The following EPB41L2 variants were observed in gnomAD, a reference collection of about 807,000 sequenced individuals.
EPB41L2 encodes erythrocyte membrane protein band 4.1 like 2.
A neutral mutation model predicts 113.0 loss-of-function variants in EPB41L2; 43 were observed. The ratio of observed to expected loss-of-function variants is 0.38; its 90% CI spans 0.30 to 0.49. EPB41L2 has a LOEUF of 0.49. EPB41L2 is among the 20% of genes least tolerant of loss of function. The pLI, the probability that EPB41L2 is intolerant of heterozygous loss-of-function variation, is 0.95. For synonymous variants in EPB41L2, 442 were observed against 436.7 expected, an observed-to-expected ratio of 1.01 and a Z score of -0.15; for missense variants, 1,147 against 1,223.4, an observed-to-expected ratio of 0.94 and a Z score of 0.93.
intron 18 of EPB41L2, among the ~76,000 whole-genome samples, chr6:130,863,259 G>A (rs1782710472): frequency 6.6e-6 from 1 of 152,188 alleles, no homozygotes; most frequent in African/African-American, 2.4e-5. Flanking sequence ...GTTCCTAAAA[G>A]TAGGCATAGG....
chr6:130,890,262 A>G (rs773290209), intron 11 of EPB41L2, 32 bp downstream of exon 11: 1 of 1,584,052 alleles, frequency 6.3e-7, no homozygotes, highest in Admixed American at 1.8e-5. Flanking sequence ...AGAAAGATGA[A>G]TGAAAATCAA....
intron 19 of EPB41L2, among the ~76,000 whole-genome samples, chr6:130,842,154 A>C (rs1293117253): frequency 5.9e-5 from 9 of 152,208 alleles, no homozygotes; most frequent in Admixed American, 5.9e-4. Context: ...AGTTCCTACC[A>C]TTTAGATTTA....
At chr6:130,976,613 T>G (rs963367119) in intron 1 of EPB41L2, among the ~76,000 whole-genome samples, 6 of 152,276 alleles carry the variant, frequency 3.9e-5, no homozygotes, top group African/African-American at 1.4e-4. Context: ...AAAAGAGTGG[T>G]GGCTGAGAAT....
At chr6:130,999,869 T>C (rs188987160) in intron 1 of EPB41L2, among the ~76,000 whole-genome samples, 183 of 152,294 alleles carry the variant, frequency 1.2e-3, no homozygotes, top group Admixed American at 2.7e-3. Flanking sequence ...CTTTTTAGAA[T>C]ATCCTGAGCA....
chr6:131,020,313 A>G (rs1190137620), intron 1 of EPB41L2, among the ~76,000 whole-genome samples: 5 of 151,626 alleles, frequency 3.3e-5, no homozygotes, highest in African/African-American at 1.2e-4. Flanking sequence ...TGTTTTTTCT[A>G]TTGTCTTAAA....
At chr6:130,910,111 C>T (rs938512906) in intron 4 of EPB41L2, among the ~76,000 whole-genome samples, 3 of 152,186 alleles carry the variant, frequency 2.0e-5, no homozygotes, top group African/African-American at 7.2e-5. Context: ...AGGTATCACA[C>T]TACCTGACTT....
At chr6:130,876,337 G>A (rs902242899) in intron 14 of EPB41L2, among the ~76,000 whole-genome samples, 9 of 152,116 alleles carry the variant, frequency 5.9e-5, no homozygotes, top group Admixed American at 3.3e-4. Context: ...TTAACAACAC[G>A]ACATGCATAA....
chr6:131,015,155 C>G (rs1423491261), intron 1 of EPB41L2: 1 of 152,116 alleles, frequency 6.6e-6, no homozygotes, highest in Admixed American at 6.6e-5. Flanking sequence ...AACAGAATAT[C>G]AAAGAGATTT....
At chr6:131,047,901 G>T (rs1299057071) in intron 1 of EPB41L2, among the ~76,000 whole-genome samples, 1 of 151,832 alleles carries the variant, frequency 6.6e-6, no homozygotes, top group African/African-American at 2.4e-5. Flanking sequence ...CAGCACTTGG[G>T]AGGCCAAGGC....
At chr6:130,841,086 G>A (rs1775323665) in intron 19 of EPB41L2, among the ~76,000 whole-genome samples, 1 of 152,126 alleles carries the variant, frequency 6.6e-6, no homozygotes, top group Non-Finnish European at 1.5e-5. Flanking sequence ...AGGCAGAAAC[G>A]AATGGAAGGA....
rs576224811 is a variant in EPB41L2, at chr6:130,963,317, C to T, written c.-14-6818G>A. Among the ~76,000 whole-genome samples the T allele has an allele frequency of 6.0e-4, 92 of 152,302 alleles. 2 individuals carry two copies. The South Asian group carries it at 0.015, about 25-fold the overall frequency. On this transcript the variant is annotated intron_variant, in intron 1 of 19. Transcript: ENST00000337057. ...ATATAGATCTTGGGTCATTATTACT[C>T]CCACTGCATTTTACAACCCTCATAA...
intron 8 of EPB41L2, among the ~76,000 whole-genome samples, chr6:130,898,660 C>T (rs966200550): frequency 1.3e-5 from 2 of 152,078 alleles, no homozygotes; most frequent in Admixed American, 6.6e-5. Flanking sequence ...CTATTCATAA[C>T]TCATACCCTG....
chr6:130,868,258 C>A (rs1055846043), intron 15 of EPB41L2: 3 of 152,352 alleles, frequency 2.0e-5, no homozygotes, highest in African/African-American at 7.2e-5. Context: ...TTCAGTTATA[C>A]CTGTCTAAAA....
chr6:131,004,560 G>A (rs541831169), intron 1 of EPB41L2, among the ~76,000 whole-genome samples: 1 of 152,276 alleles, frequency 6.6e-6, no homozygotes, highest in South Asian at 2.1e-4. Context: ...AGGAAAGCAT[G>A]CAGTAAGGAG....
chr6:130,934,709 G>A (rs1458752321), intron 3 of EPB41L2, among the ~76,000 whole-genome samples: 2 of 151,904 alleles, frequency 1.3e-5, no homozygotes, highest in Non-Finnish European at 2.9e-5. Context: ...TAAAACCTCT[G>A]GGCTCAAGCA....
intron 4 of EPB41L2, among the ~76,000 whole-genome samples, chr6:130,921,974 T>A (rs1333800184): frequency 6.6e-6 from 1 of 152,210 alleles, no homozygotes; most frequent in Non-Finnish European, 1.5e-5. Context: ...ACATCCTATA[T>A]GTAAATTAAA....
chr6:130,926,331 A>G (rs188160972), intron 4 of EPB41L2, among the ~76,000 whole-genome samples: 43 of 152,338 alleles, frequency 2.8e-4, no homozygotes, highest in Admixed American at 1.0e-3. Flanking sequence ...CCAGAACATC[A>G]CTTTTCCACT....
At chr6:130,960,695 G>T (rs999452366) in intron 1 of EPB41L2, among the ~76,000 whole-genome samples, 8 of 152,172 alleles carry the variant, frequency 5.3e-5, no homozygotes, top group Non-Finnish European at 8.8e-5. Context: ...TACCTTCTTT[G>T]TTGATAAAAT....
chr6:130,851,972 T>C (rs1778877925), intron 19 of EPB41L2, among the ~76,000 whole-genome samples: 1 of 152,100 alleles, frequency 6.6e-6, no homozygotes, highest in Admixed American at 6.5e-5. Flanking sequence ...CTCACAAATC[T>C]CTCTCCTGCT....
Sources: allele counts gnomAD v4.1 joint callset (sites outside exome capture counted in the v4.1 genomes callset), GRCh38; gene constraint gnomAD v4.1.1; transcripts MANE v1.5; gene names NCBI Gene and HGNC (gene_info 2026-07-23, HGNC 2026-07-21).